The following PPP3CA variants were observed in gnomAD, a reference collection of about 807,000 sequenced individuals.
The protein encoded by PPP3CA is CAM-PRP catalytic subunit.
A neutral mutation model predicts 66.5 loss-of-function variants in PPP3CA; 14 were observed. The ratio of observed to expected loss-of-function variants is 0.21; its 90% confidence interval spans 0.14 to 0.33. PPP3CA has a LOEUF of 0.33. Ranked by LOEUF, PPP3CA falls within the 10% of genes least tolerant of loss-of-function variation. The pLI is 1.00. For synonymous variants in PPP3CA, 232 were observed against 226.2 expected (o/e 1.03, Z -0.23); for missense variants, 317 against 639.5 (o/e 0.50, Z 5.44).
At chr4:101,314,364 A>C (rs959855454) in intron 1 of PPP3CA, among the ~76,000 whole-genome samples, 1 of 152,024 alleles carries the variant, frequency 6.6e-6, no homozygotes, top group Non-Finnish European at 1.5e-5. Context: ...GGAGATCAAG[A>C]CCATCCTGGC....
At chr4:101,294,419 C>T (rs1049883021) in intron 1 of PPP3CA, among the ~76,000 whole-genome samples, 2 of 152,148 alleles carry the variant, frequency 1.3e-5, no homozygotes, top group Admixed American at 6.5e-5. Flanking sequence ...CTATGACACA[C>T]ATTAAGTTTT....
At chr4:101,196,710 C>T (rs1724805508) in intron 1 of PPP3CA, among the ~76,000 whole-genome samples, 1 of 152,170 alleles carries the variant, frequency 6.6e-6, no homozygotes, top group Admixed American at 6.5e-5. Context: ...CTGAAGGGAC[C>T]TCCTTAAAAG....
At chr4:101,186,858 A>C (rs895583647) in intron 2 of PPP3CA, among the ~76,000 whole-genome samples, 18 of 152,124 alleles carry the variant, frequency 1.2e-4, no homozygotes, top group African/African-American at 4.1e-4. Flanking sequence ...ATACACTAGA[A>C]TCAACAGTTG....
chr4:101,067,009 T>A (rs1209953627), intron 8 of PPP3CA, among the ~76,000 whole-genome samples: 4 of 152,180 alleles, frequency 2.6e-5, no homozygotes, highest in Non-Finnish European at 4.4e-5. Flanking sequence ...CAATTCCACA[T>A]GACCTCTTGT....
At chr4:101,150,847 G>A (rs986889627) in intron 2 of PPP3CA, among the ~76,000 whole-genome samples, 5 of 151,844 alleles carry the variant, frequency 3.3e-5, no homozygotes, top group Non-Finnish European at 2.9e-5. Flanking sequence ...CACAGCATAC[G>A]ACATATTATT....
intron 8 of PPP3CA, among the ~76,000 whole-genome samples, chr4:101,071,916 T>TA (rs888443137): frequency 2.0e-5 from 3 of 151,900 alleles, no homozygotes; most frequent in African/African-American, 7.3e-5. Context: ...TTCATTCAAT[T>TA]AAAATATATA....
intron 1 of PPP3CA, among the ~76,000 whole-genome samples, chr4:101,256,097 C>T (rs1187801876): frequency 6.6e-6 from 1 of 151,848 alleles, no homozygotes; most frequent in African/African-American, 2.4e-5. Context: ...TTCTATTCAC[C>T]ACTCTTCTTA....
At chr4:101,227,010 C>A (rs1257488842) in intron 1 of PPP3CA, among the ~76,000 whole-genome samples, 1 of 151,658 alleles carries the variant, frequency 6.6e-6, no homozygotes, top group Non-Finnish European at 1.5e-5. Flanking sequence ...TAAACATGAT[C>A]TACTTTAAAT....
At chr4:101,340,523 A>T (rs1215585966) in intron 1 of PPP3CA, among the ~76,000 whole-genome samples, 1 of 152,152 alleles carries the variant, frequency 6.6e-6, no homozygotes, top group African/African-American at 2.4e-5. Flanking sequence ...AACCCATCTG[A>T]TTTAAGCCAT....
At chr4:101,219,296 T>C (rs1220913747) in intron 1 of PPP3CA, among the ~76,000 whole-genome samples, 1 of 151,986 alleles carries the variant, frequency 6.6e-6, no homozygotes, top group African/African-American at 2.4e-5. Context: ...CTATTCTCCC[T>C]TCACGAAGTA....
At chr4:101,332,279 C>G (rs1729412679) in intron 1 of PPP3CA, among the ~76,000 whole-genome samples, 1 of 152,192 alleles carries the variant, frequency 6.6e-6, no homozygotes, top group Non-Finnish European at 1.5e-5. Context: ...AGGCATTAAT[C>G]AATCCTGTAA....
At chr4:101,107,084 A>T (rs1380978500) in intron 3 of PPP3CA, among the ~76,000 whole-genome samples, 4 of 152,186 alleles carry the variant, frequency 2.6e-5, no homozygotes, top group Non-Finnish European at 5.9e-5. Context: ...CCCCAAGAAC[A>T]AAAAAACAAG....
chr4:101,038,647 C>T (rs918720948), intron 11 of PPP3CA, among the ~76,000 whole-genome samples: 1 of 152,058 alleles, frequency 6.6e-6, no homozygotes, highest in Non-Finnish European at 1.5e-5. Context: ...GGATTACAGG[C>T]GTGAGCCACC....
At chr4:101,264,174 G>A (rs892572794) in intron 1 of PPP3CA, among the ~76,000 whole-genome samples, 1 of 152,100 alleles carries the variant, frequency 6.6e-6, no homozygotes, top group South Asian at 2.1e-4. Flanking sequence ...AATGAAATAA[G>A]GCATGAATCA....
At chr4:101,230,980 C>T (rs993762518) in intron 1 of PPP3CA, among the ~76,000 whole-genome samples, 2 of 151,804 alleles carry the variant, frequency 1.3e-5, no homozygotes, top group Admixed American at 1.3e-4. Flanking sequence ...TTTCATGAAT[C>T]ACTTTCAAAA....
intron 1 of PPP3CA, among the ~76,000 whole-genome samples, chr4:101,219,873 A>T (rs1477743482): frequency 1.3e-5 from 2 of 151,850 alleles, no homozygotes; most frequent in Admixed American, 1.3e-4. Context: ...GAGATACACA[A>T]ATGCATAGCT....
chr4:101,131,421 G>GAA (rs60025424), intron 2 of PPP3CA, among the ~76,000 whole-genome samples: 5 of 102,486 alleles, frequency 4.9e-5, no homozygotes, highest in African/African-American at 7.4e-5. Context: ...CAAATAGAAA[G>GAA]AAAAAAAAAA....
Position 101,287,969 on chromosome 4 carries a change from C to A in PPP3CA, c.58+58770G>T, listed in dbSNP as rs536537786. On this transcript the variant is annotated intron_variant, in intron 1 of 13. Coordinates refer to ENST00000394854, the MANE Select transcript of PPP3CA (RefSeq NM_000944.5). ...CATTTTTTTCCTTCCTTGACCCAAC[C>A]GTTTAAGTCAGACAGGTTGAGGAGA... Among the ~76,000 whole-genome samples the A allele has an allele frequency of 5.9e-5, 9 of 152,236 alleles. No homozygotes were observed. In the South Asian group the frequency reaches 1.9e-3, roughly 32 times the overall value.
At chr4:101,293,723 G>A (rs1407853471) in intron 1 of PPP3CA, among the ~76,000 whole-genome samples, 3 of 152,242 alleles carry the variant, frequency 2.0e-5, no homozygotes, top group African/African-American at 7.2e-5. Flanking sequence ...CCACAGCCAT[G>A]TAATTAGGTG....
Sources: gnomAD v4.1 joint callset for allele counts (sites outside exome capture counted in the v4.1 genomes callset) on GRCh38, gnomAD v4.1.1 for gene constraint, MANE v1.5 for transcripts, NCBI Gene and HGNC (gene_info 2026-07-23, HGNC 2026-07-21) for gene names.